Variants in RPS6KA2 observed in about 807,000 individuals in gnomAD.
The protein encoded by RPS6KA2 is ribosomal protein S6 kinase alpha-2.
In RPS6KA2, 42 loss-of-function variants were observed where a neutral mutation model predicts 91.8. That is an observed-to-expected ratio of 0.46 (90% CI 0.36 to 0.59). RPS6KA2 has a LOEUF of 0.59. Ranked by LOEUF, RPS6KA2 falls within the 20% of genes least tolerant of loss-of-function variation. The pLI is 0.00. For missense variants in RPS6KA2, 798 were observed against 978.5 expected (o/e 0.82, Z 2.46); for synonymous variants, 414 against 393.6 (o/e 1.05, Z -0.61).
intron 2 of RPS6KA2, among the ~76,000 whole-genome samples, chr6:166,637,053 C>T (rs1438118602): frequency 1.3e-5 from 2 of 152,212 alleles, no homozygotes. Flanking sequence ...CTCTCCACCA[C>T]CTAAAGGGCT....
intron 10 of RPS6KA2, among the ~76,000 whole-genome samples, chr6:166,479,099 C>T (rs1283486118): frequency 6.6e-6 from 1 of 152,230 alleles, no homozygotes; most frequent in Admixed American, 6.5e-5. Flanking sequence ...AGGCCCTCTC[C>T]CCTCTTCTGA....
At chr6:166,764,263 A>G (rs926907536) in intron 2 of RPS6KA2, among the ~76,000 whole-genome samples, 2 of 152,072 alleles carry the variant, frequency 1.3e-5, no homozygotes, top group African/African-American at 4.8e-5. Context: ...AAGGCCAGCG[A>G]CATTTTAGTG....
rs2072830 is a variant in RPS6KA2 at position 166,490,499 on chromosome 6, C to A, written c.818+172G>T. Among the ~76,000 whole-genome samples, 39,344 of 152,088 alleles carry A rather than the reference C, an allele frequency of 0.26. 5,741 individuals carry two copies. Among genetic ancestry groups the A allele is most frequent in the East Asian group, 0.54 (2,777 of 5,168 alleles). ...CCCTATTACCACTGCTACTGGCGGACGAGCGCTACCATTTTGTGTAAAACC... is the reference window on the plus strand; with the variant it reads ...CCCTATTACCACTGCTACTGGCGGAAGAGCGCTACCATTTTGTGTAAAACC... On this transcript the variant is annotated intron_variant, in intron 9 of 20. Coordinates refer to ENST00000265678, the MANE Select transcript of RPS6KA2 (RefSeq NM_021135.6). The surrounding 1 kb of genome is among the most constrained non-coding windows in gnomAD (Gnocchi z 4.2).
At chr6:166,704,442 T>C (rs1032097726) in intron 2 of RPS6KA2, among the ~76,000 whole-genome samples, 1 of 152,224 alleles carries the variant, frequency 6.6e-6, no homozygotes, top group Non-Finnish European at 1.5e-5. Flanking sequence ...ACTGACTAGG[T>C]GTGAAGATAA....
In RPS6KA2 at chr6:166,608,434, A is replaced by T. The variant is rs1786033859; in HGVS notation, c.99+18487T>A. On this transcript the variant is annotated intron_variant, in intron 1 of 20. Coordinates refer to ENST00000265678, the MANE Select transcript of RPS6KA2 (RefSeq NM_021135.6). ...AAAATGCTTGACTCAAAATTCTTAC[A>T]TCTAACCTGACTCAACAATCCATCG... Among the ~76,000 whole-genome samples the T allele has an allele frequency of 2.0e-5, 3 of 152,154 alleles. No homozygotes were observed. In the South Asian group the frequency reaches 6.2e-4, roughly 32 times the overall value.
Position 166,626,319 on chromosome 6 carries a change from G to A in RPS6KA2, c.99+602C>T, listed in dbSNP as rs573255822. 6.6e-6 allele frequency among the ~76,000 whole-genome samples: 1 copy of A among 152,400 alleles called. No individual in the cohort carries two copies. Among genetic ancestry groups the A allele is most frequent in the African/African-American group, 2.4e-5 (1 of 41,598 alleles). On this transcript the variant is annotated intron_variant, in intron 1 of 20. Transcript: ENST00000265678. This position sits in a 1 kb window ranked among gnomAD's most constrained non-coding sequence, Gnocchi z 4.1. ...GGGTTTTCAGGACGAATCTGTATCAGCCTCGGCGCTGCGAGGATATTGCAT... is the reference window on the plus strand; with the variant it reads ...GGGTTTTCAGGACGAATCTGTATCAACCTCGGCGCTGCGAGGATATTGCAT...
chr6:166,449,718 C>A (rs1779790902), intron 13 of RPS6KA2, among the ~76,000 whole-genome samples: 1 of 151,996 alleles, frequency 6.6e-6, no homozygotes. Context: ...AAGACGAATG[C>A]CAAGTAGGGT....
intron 2 of RPS6KA2, among the ~76,000 whole-genome samples, chr6:166,694,352 T>C (rs1789297754): frequency 6.6e-6 from 1 of 152,246 alleles, no homozygotes. Context: ...ACATCCCATA[T>C]TGTTTAGAAG....
intron 10 of RPS6KA2, among the ~76,000 whole-genome samples, chr6:166,484,487 A>G (rs1313386654): frequency 6.6e-6 from 1 of 152,238 alleles, no homozygotes; most frequent in African/African-American, 2.4e-5. Flanking sequence ...CAAGAAGTAC[A>G]GAGAACTCCC....
At chr6:166,556,990 G>A (rs904468799) in intron 1 of RPS6KA2, among the ~76,000 whole-genome samples, 1 of 152,342 alleles carries the variant, frequency 6.6e-6, no homozygotes, top group South Asian at 2.1e-4. Flanking sequence ...CCAAGTCCAC[G>A]AGTTCTCAGG....
At chr6:166,414,315 T>C (rs1778422966) in intron 19 of RPS6KA2, among the ~76,000 whole-genome samples, 1 of 152,180 alleles carries the variant, frequency 6.6e-6, no homozygotes, top group Non-Finnish European at 1.5e-5. Context: ...ATGATGCACA[T>C]ACTTACATTT....
rs958283931 is a variant in RPS6KA2 at position 166,494,729 on chromosome 6, C to T, written c.747+3779G>A. ...TCCTGCCCCTGGCACAGGCATCCTT[C>T]CTTCCAGGTCTGGGGAGGGCACTTG... On this transcript the variant is annotated intron_variant, in intron 8 of 20. Coordinates refer to ENST00000265678, the MANE Select transcript of RPS6KA2 (RefSeq NM_021135.6). This position sits in a 1 kb window ranked among gnomAD's most constrained non-coding sequence, Gnocchi z 5.1. Among the ~76,000 whole-genome samples the T allele has an allele frequency of 9.2e-5, 14 of 152,228 alleles. No individual in the cohort carries two copies. Among genetic ancestry groups the T allele is most frequent in the Middle Eastern group, 6.3e-3 (2 of 316 alleles).
In RPS6KA2 at chr6:166,567,335, A is replaced by G. The variant is rs141333987; in HGVS notation, c.100-28551T>C. Among the ~76,000 whole-genome samples the G allele has an allele frequency of 2.5e-3, 380 of 152,238 alleles. 1 individual carries two copies. Among genetic ancestry groups the G allele is most frequent in the African/African-American group, 8.8e-3 (367 of 41,530 alleles). ...ATACTTCGACTCAACCTTGTGATTC[A>G]CTTTCCACACATCCCTACACACCCA... On this transcript the variant is annotated intron_variant, in intron 1 of 20. Coordinates refer to ENST00000265678, the MANE Select transcript of RPS6KA2 (RefSeq NM_021135.6).
chr6:166,708,039 T>C (rs1400680364), intron 2 of RPS6KA2, among the ~76,000 whole-genome samples: 1 of 152,194 alleles, frequency 6.6e-6, no homozygotes, highest in Non-Finnish European at 1.5e-5. Flanking sequence ...CCACCACAAC[T>C]GGCCTGAGAA....
At chr6:166,779,315 G>A (rs1164180431) in intron 2 of RPS6KA2, among the ~76,000 whole-genome samples, 1 of 152,194 alleles carries the variant, frequency 6.6e-6, no homozygotes, top group East Asian at 1.9e-4. Flanking sequence ...CTTCCGTCCA[G>A]TAAAGATTTA....
rs1051716844 is a variant in RPS6KA2, at chr6:166,767,310, C to T, written c.123+90890G>A. Among the ~76,000 whole-genome samples the T allele has an allele frequency of 3.3e-5, 5 of 152,128 alleles. No homozygotes were observed. The highest frequency in any genetic ancestry group is 3.2e-3 in the Middle Eastern group (1 of 316). On this transcript the variant is annotated intron_variant, in intron 2 of 21. Transcript: ENST00000503859. This position sits in a 1 kb window ranked among gnomAD's most constrained non-coding sequence, Gnocchi z 4.6. Reference sequence around the variant, plus strand: ...CAGCTTGCAAGGCAGAGGCACGGAACGATTTGATGAAAAAGACAGAGGAAA... The same window carrying T: ...CAGCTTGCAAGGCAGAGGCACGGAATGATTTGATGAAAAAGACAGAGGAAA...
At chr6:166,582,614 A>C (rs73788053) in intron 1 of RPS6KA2, among the ~76,000 whole-genome samples, 7,480 of 152,342 alleles carry the variant, frequency 0.049, 625 homozygotes, top group African/African-American at 0.17. Context: ...AGATGCATAC[A>C]TCTTATTTTG....
In RPS6KA2 at chr6:166,737,966, C is replaced by A. The variant is rs1319322613; in HGVS notation, c.123+120234G>T. 6.6e-6 allele frequency among the ~76,000 whole-genome samples: 1 copy of A among 152,134 alleles called. No individual in the cohort carries two copies. Among genetic ancestry groups the A allele is most frequent in the Non-Finnish European group, 1.5e-5 (1 of 68,034 alleles). ...TGTCATGCCATCGCTCAGAGAGAAT[C>A]CTTTTAATATTGTTTACATCCTCCT... is the stretch of plus-strand genomic sequence containing the variant. On this transcript the variant is annotated intron_variant, in intron 2 of 21. Coordinates refer to the RPS6KA2 transcript ENST00000503859. The surrounding 1 kb of genome is among the most constrained non-coding windows in gnomAD (Gnocchi z 4.3).
At chr6:166,538,896 C>T (rs879831402) in intron 1 of RPS6KA2, 112 bp from the exon 2 acceptor site, 14 of 595,270 alleles carry the variant, frequency 2.4e-5, no homozygotes, top group Non-Finnish European at 3.7e-5. Context: ...CAGATTTTAG[C>T]GCTGGAGTTT....
Sources: gnomAD v4.1 joint callset for allele counts (sites outside exome capture counted in the v4.1 genomes callset) on GRCh38, gnomAD v4.1.1 for gene constraint, Gnocchi (gnomAD v3.1) non-coding constraint, MANE v1.5 for transcripts, NCBI Gene and HGNC (gene_info 2026-07-23, HGNC 2026-07-21) for gene names.